Variants in ABLIM2 observed in about 807,000 individuals in gnomAD.
The protein encoded by ABLIM2 is actin binding LIM protein family member 2.
ABLIM2 carries 53 observed loss-of-function variants against 97.7 expected under a neutral mutation model. That is an observed-to-expected ratio of 0.54 (90% CI 0.44 to 0.68). ABLIM2 has a LOEUF of 0.68. Ranked by LOEUF, ABLIM2 falls within the 30% of genes least tolerant of loss-of-function variation. The pLI, the probability that ABLIM2 is intolerant of heterozygous loss-of-function variation, is 0.00. For missense variants in ABLIM2, 835 were observed against 867.2 expected (o/e 0.96, Z 0.47); for synonymous variants, 361 against 345.8 (o/e 1.04, Z -0.49).
chr4:8,111,997 C>T (rs1171879410), intron 1 of ABLIM2, among the ~76,000 whole-genome samples: 2 of 151,742 alleles, frequency 1.3e-5, no homozygotes, highest in Non-Finnish European at 2.9e-5. Flanking sequence ...ACTGCAGTTT[C>T]AAGATTGGCT....
Position 8,158,783 on chromosome 4 carries a change from C to A in ABLIM2, c.-94G>T, listed in dbSNP as rs1343336490. The A allele has an allele frequency of 3.5e-6, 4 of 1,146,474 alleles. No individual in the cohort carries two copies. Among genetic ancestry groups the A allele is most frequent in the East Asian group, 3.5e-5 (1 of 28,370 alleles). The allele number at this position is 1,146,474 out of a possible 1,614,324, so 71.0% of individuals were successfully genotyped here. On this transcript the variant is annotated 5_prime_UTR_variant, in exon 1 of 21. Transcript: ENST00000447017. ...GCGCCCGCGCTATCCTCCGCCCGCC[C>A]GCCGGCTCCGCGCCCGCTCCTTGCG...
chr4:7,994,716 C>T (rs1413068281), intron 16 of ABLIM2, among the ~76,000 whole-genome samples: 1 of 113,216 alleles, frequency 8.8e-6, no homozygotes, highest in African/African-American at 2.8e-5. Flanking sequence ...GTCCCACCAA[C>T]AGTGTAAAAG....
At position 8,095,572 on chromosome 4, in the gene ABLIM2, T is replaced by C. The variant is rs976648456; in HGVS notation, c.338+1527A>G. Reference sequence around the variant, plus strand: ...AAAATAATTAATTAAAAAATAGAGATGGGGTCTCTTTATGTTTCCCAAGCT... The same window carrying C: ...AAAATAATTAATTAAAAAATAGAGACGGGGTCTCTTTATGTTTCCCAAGCT... On this transcript the variant is annotated intron_variant, in intron 3 of 20. Coordinates refer to ENST00000447017, the MANE Select transcript of ABLIM2 (RefSeq NM_001130083.2). This position sits in a 1 kb window ranked among gnomAD's most constrained non-coding sequence, Gnocchi z 4.7. Among the ~76,000 whole-genome samples, 1 of 152,114 alleles carries C rather than the reference T, an allele frequency of 6.6e-6. No individual in the cohort carries two copies. The highest frequency in any genetic ancestry group is 2.4e-5 in the African/African-American group (1 of 41,424).
chr4:8,103,315 A>G (rs1383462730), intron 2 of ABLIM2, among the ~76,000 whole-genome samples: 2 of 152,262 alleles, frequency 1.3e-5, no homozygotes, highest in Non-Finnish European at 2.9e-5. Context: ...GATTAATGCA[A>G]GACTGCAAGG....
rs1264261414 is a variant in ABLIM2 at position 8,054,202 on chromosome 4, C to T, written c.808G>A (p.Glu270Lys). Residue 270 changes from glutamate (E) to lysine (K), a missense_variant, in exon 8 of 21, where the codon GAA becomes AAA. Glu to Lys is a moderately conservative substitution (Grantham distance 56). Transcript: ENST00000447017. This position sits in a 1 kb window ranked among gnomAD's most constrained non-coding sequence, Gnocchi z 4.9. Reference sequence around the variant, plus strand: ...ATGCCACCAACCTTGTTTCTGTCTTCAGTTCTGGCTGCTTGTCGACACGCC... The same window carrying T: ...ATGCCACCAACCTTGTTTCTGTCTTTAGTTCTGGCTGCTTGTCGACACGCC... The part of the protein sequence containing the change: ...HPACRQAART[E>K]DRNKETRTSS... 1 of 1,614,054 alleles carries T rather than the reference C, an allele frequency of 6.2e-7. No individual in the cohort carries two copies. Among genetic ancestry groups the T allele is most frequent in the Non-Finnish European group, 8.5e-7 (1 of 1,179,906 alleles).
intron 8 of ABLIM2, among the ~76,000 whole-genome samples, chr4:8,051,084 C>T (rs1049486921): frequency 3.9e-5 from 6 of 152,216 alleles, no homozygotes; most frequent in Non-Finnish European, 5.9e-5. Flanking sequence ...CTGTTGCTGC[C>T]GCCTGGCCAG....
At chr4:8,146,247 G>A (rs1578519718) in intron 1 of ABLIM2, among the ~76,000 whole-genome samples, 1 of 152,202 alleles carries the variant, frequency 6.6e-6, no homozygotes, top group Admixed American at 6.5e-5. Context: ...CACAGGGTTT[G>A]GTGGTCAAAA....
intron 14 of ABLIM2, among the ~76,000 whole-genome samples, chr4:8,016,698 C>G (rs1049758380): frequency 1.2e-4 from 19 of 152,164 alleles, no homozygotes; most frequent in African/African-American, 4.6e-4. Flanking sequence ...GTCTCGAGGA[C>G]TTTCCACAGT....
chr4:7,991,142 C>T (rs767880670), intron 17 of ABLIM2, among the ~76,000 whole-genome samples: 4 of 152,168 alleles, frequency 2.6e-5, no homozygotes, highest in Non-Finnish European at 5.9e-5. Flanking sequence ...GAGGACCATC[C>T]CTGCCAGAAA....
chr4:7,970,925 C>T lies in ABLIM2; in HGVS notation c.1825-3822G>A, dbSNP rs1447655097. Among the ~76,000 whole-genome samples, 1 of 152,032 alleles carries T rather than the reference C, an allele frequency of 6.6e-6. No individual in the cohort carries two copies. Among genetic ancestry groups the T allele is most frequent in the Non-Finnish European group, 1.5e-5 (1 of 67,980 alleles). On this transcript the variant is annotated intron_variant, in intron 20 of 20. Coordinates refer to ENST00000447017, the MANE Select transcript of ABLIM2 (RefSeq NM_001130083.2). This position sits in a 1 kb window ranked among gnomAD's most constrained non-coding sequence, Gnocchi z 5.3. The stretch of plus-strand genomic sequence containing the variant: ...TGGGGCCAGGGGTCTAGGGGGCTGA[C>T]AGGGACCACCTCCCCGCAGGCTCCA...
chr4:8,118,563 C>G (rs1286031958), intron 1 of ABLIM2, among the ~76,000 whole-genome samples: 30 of 152,308 alleles, frequency 2.0e-4, no homozygotes, highest in Non-Finnish European at 4.4e-5. Flanking sequence ...TAGGTCCCTC[C>G]CCCATTCAAG....
At chr4:7,972,365 A>G (rs1728818732) in intron 20 of ABLIM2, among the ~76,000 whole-genome samples, 1 of 151,990 alleles carries the variant, frequency 6.6e-6, no homozygotes, top group African/African-American at 2.4e-5. Flanking sequence ...TCGTCATCCT[A>G]CTGGTCCTGA....
At position 8,123,812 on chromosome 4, in the gene ABLIM2, G is replaced by T. The variant is rs985567600; in HGVS notation, c.11-17175C>A. On this transcript the variant is annotated intron_variant, in intron 1 of 20. Coordinates refer to ENST00000447017, the MANE Select transcript of ABLIM2 (RefSeq NM_001130083.2). The surrounding 1 kb of genome is among the most constrained non-coding windows in gnomAD (Gnocchi z 6.2). ...GGGTGACAAGGTCCTGGCTCCACCC[G>T]GACAGGCCAAGAGGAGGGGCAGGAG... Among the ~76,000 whole-genome samples, 1 of 152,116 alleles carries T rather than the reference G, an allele frequency of 6.6e-6. No individual in the cohort carries two copies. Among genetic ancestry groups the T allele is most frequent in the Non-Finnish European group, 1.5e-5 (1 of 68,042 alleles).
Position 7,986,362 on chromosome 4 carries a change from C to T in ABLIM2, c.1681-1469G>A, listed in dbSNP as rs1288064811. ...ATCTGAAACAGGAAAACCGAGGCCCCGAGGGAAGCTGGACCTTCTTCCTGA... is the reference window on the plus strand; with the variant it reads ...ATCTGAAACAGGAAAACCGAGGCCCTGAGGGAAGCTGGACCTTCTTCCTGA... On this transcript the variant is annotated intron_variant, in intron 17 of 20. Coordinates refer to ENST00000447017, the MANE Select transcript of ABLIM2 (RefSeq NM_001130083.2). The surrounding 1 kb of genome is among the most constrained non-coding windows in gnomAD (Gnocchi z 4.3). 1.3e-5 allele frequency among the ~76,000 whole-genome samples: 2 copies of T among 152,122 alleles called. No individual in the cohort carries two copies. The highest frequency in any genetic ancestry group is 2.9e-5 in the Non-Finnish European group (2 of 68,026).
In ABLIM2 at chr4:7,992,450, G is replaced by T. The variant is rs1175068657; in HGVS notation, c.1680+416C>A. Among the ~76,000 whole-genome samples the T allele has an allele frequency of 6.6e-6, 1 of 152,174 alleles. No homozygotes were observed. The highest frequency in any genetic ancestry group is 1.5e-5 in the Non-Finnish European group (1 of 68,016). The stretch of plus-strand genomic sequence containing the variant: ...AACAGTAATAGCAGGGAAGGCCAGG[G>T]CATCCCCGAGAAGGAGGTGGGCACT... On this transcript the variant is annotated intron_variant, in intron 17 of 20. Coordinates refer to ENST00000447017, the MANE Select transcript of ABLIM2 (RefSeq NM_001130083.2). The surrounding 1 kb of genome is among the most constrained non-coding windows in gnomAD (Gnocchi z 5.7).
At chr4:7,980,439 G>A (rs182886640) in intron 20 of ABLIM2, among the ~76,000 whole-genome samples, 1 of 152,272 alleles carries the variant, frequency 6.6e-6, no homozygotes, top group African/African-American at 2.4e-5. Flanking sequence ...TGCAGGCCAG[G>A]CATAGTGGCT....
intron 16 of ABLIM2, chr4:8,006,940 T>G: frequency 1.2e-6 from 1 of 813,312 alleles, no homozygotes; most frequent in Non-Finnish European, 1.5e-6. Flanking sequence ...ATCCTGGTAT[T>G]TACAAAGCTG....
Position 8,054,378 on chromosome 4 carries a change from G to T in ABLIM2, c.764-132C>A. On this transcript the variant is annotated intron_variant, in intron 7 of 20. Coordinates refer to ENST00000447017, the MANE Select transcript of ABLIM2 (RefSeq NM_001130083.2). This position sits in a 1 kb window ranked among gnomAD's most constrained non-coding sequence, Gnocchi z 4.9. ...CGGACTCCACCCTCCAAGCGGCCCT[G>T]AGCATCCTCTCTGTGCTGGAGTTAG... 1 of 927,586 alleles carries T rather than the reference G, an allele frequency of 1.1e-6. No homozygotes were observed. The highest frequency in any genetic ancestry group is 1.7e-6 in the Non-Finnish European group (1 of 594,568). 57.5% of individuals were successfully genotyped at this position (927,586 alleles called of 1,614,324 possible). A position where few individuals can be genotyped will look rare whatever the true frequency, so the allele number is the denominator to read the frequency against.
rs374433941 is a variant in ABLIM2 at position 8,097,280 on chromosome 4, A to G, written c.157T>C (p.Cys53Arg). 3 of 1,559,368 alleles carry G rather than the reference A, an allele frequency of 1.9e-6. No individual in the cohort carries two copies. The highest frequency in any genetic ancestry group is 2.7e-5 in the African/African-American group (2 of 73,332). ...CCGCCCTCGGCCAGGTCGCAGCCAC[A>G]TGCTGGGGGAGGACGGGCGAGGTGG... ...FHIKCFVCKA[C>R]GCDLAEGGFF... Residue 53 changes from cysteine to arginine, a missense_variant and splice_region_variant, in exon 3 of 21, where the codon TGT (cysteine) becomes CGT (arginine). Transcript: ENST00000447017.
Sources: gnomAD v4.1 joint callset for allele counts (sites outside exome capture counted in the v4.1 genomes callset) on GRCh38, gnomAD v4.1.1 for gene constraint, Gnocchi (gnomAD v3.1) non-coding constraint, MANE v1.5 for transcripts, NCBI Gene and HGNC (gene_info 2026-07-23, HGNC 2026-07-21) for gene names.